The following IRAK2 variants were observed in gnomAD, a reference collection of about 807,000 sequenced individuals.
IRAK2 encodes interleukin-1 receptor-associated kinase-like 2.
Under a neutral mutation model 72.0 loss-of-function variants are expected in IRAK2, and 57 were observed. The ratio of observed to expected loss-of-function variants is 0.79; its 90% CI spans 0.64 to 0.99. The LOEUF (loss-of-function observed/expected upper bound fraction) is 0.99. Ranked by LOEUF, IRAK2 falls within the 50% of genes least tolerant of loss-of-function variation. The probability of loss-of-function intolerance (pLI) is 0.00; values close to 1 mark genes in which losing one functional copy is unlikely to be tolerated. For missense variants in IRAK2, 790 were observed against 794.4 expected (o/e 0.99, Z 0.07); for synonymous variants, 293 against 312.7 (o/e 0.94, Z 0.67).
chr3:10,165,881 C>A (rs902081843), intron 1 of IRAK2, among the ~76,000 whole-genome samples: 3 of 152,126 alleles, frequency 2.0e-5, no homozygotes, highest in Non-Finnish European at 4.4e-5. Flanking sequence ...CAGGCGCCCG[C>A]CACCACGCCC....
At chr3:10,184,953 G>GATCTCC (rs1697029723) in intron 2 of IRAK2, among the ~76,000 whole-genome samples, 1 of 149,292 alleles carries the variant, frequency 6.7e-6, no homozygotes, top group South Asian at 2.1e-4. Flanking sequence ...TAGCCAGGGT[G>GATCTCC]ATCTCCTGAC....
chr3:10,181,242 C>T (rs1696954889), intron 2 of IRAK2, among the ~76,000 whole-genome samples: 1 of 152,148 alleles, frequency 6.6e-6, no homozygotes, highest in Admixed American at 6.6e-5. Flanking sequence ...TCCTGAGCCG[C>T]TGCCGTTCCT....
intron 1 of IRAK2, among the ~76,000 whole-genome samples, chr3:10,166,587 TA>T (rs1179489177): frequency 6.6e-6 from 1 of 152,198 alleles, no homozygotes; most frequent in Non-Finnish European, 1.5e-5. Flanking sequence ...AAATACTGTA[TA>T]AAAGCACTGA....
At chr3:10,218,440 AAAAAAC>A (rs1379328236) in intron 7 of IRAK2, among the ~76,000 whole-genome samples, 4 of 135,760 alleles carry the variant, frequency 2.9e-5, no homozygotes, top group African/African-American at 1.1e-4. Flanking sequence ...AAAAAAAAAA[AAAAAAC>A]CAAAACGGTG....
chr3:10,214,548 T>G (rs1244459793), intron 6 of IRAK2, among the ~76,000 whole-genome samples: 2 of 151,586 alleles, frequency 1.3e-5, no homozygotes, highest in African/African-American at 4.8e-5. Context: ...TGCTTTTTTT[T>G]TTTTTAATTA....
At chr3:10,192,023 A>AGTGTGTGTGTGTGTGTGTGTGT (rs56802078) in intron 2 of IRAK2, among the ~76,000 whole-genome samples, 2 of 135,710 alleles carry the variant, frequency 1.5e-5, no homozygotes, top group African/African-American at 5.5e-5. Context: ...TTGAGTTGGG[A>AGTGTGTGTGTGTGTGTGTGTGT]GTGTGTGTGT....
intron 8 of IRAK2, among the ~76,000 whole-genome samples, chr3:10,221,465 T>A (rs187829610): frequency 6.6e-6 from 1 of 151,096 alleles, no homozygotes; most frequent in Non-Finnish European, 1.5e-5. Context: ...GTGTTAGCCA[T>A]GATGGTCTCG....
intron 1 of IRAK2, among the ~76,000 whole-genome samples, chr3:10,167,281 T>C (rs1454484772): frequency 6.6e-6 from 1 of 152,192 alleles, no homozygotes; most frequent in Non-Finnish European, 1.5e-5. Context: ...CCTCCTTCCA[T>C]TTTCCTGAGT....
chr3:10,165,790 G>A (rs1440032360), intron 1 of IRAK2, among the ~76,000 whole-genome samples: 1 of 148,572 alleles, frequency 6.7e-6, no homozygotes, highest in African/African-American at 2.5e-5. Flanking sequence ...GAGTGCAGTG[G>A]CGCGATCTAG....
intron 3 of IRAK2, among the ~76,000 whole-genome samples, chr3:10,205,243 C>T (rs1357210249): frequency 6.6e-6 from 1 of 152,112 alleles, no homozygotes; most frequent in Non-Finnish European, 1.5e-5. Flanking sequence ...TGAGTTTCTC[C>T]TACCACAGAT....
chr3:10,223,116 C>A (rs1021252391), intron 9 of IRAK2, among the ~76,000 whole-genome samples: 1 of 152,152 alleles, frequency 6.6e-6, no homozygotes, highest in African/African-American at 2.4e-5. Context: ...TACTGTGTGG[C>A]GTGTTACAGA....
In IRAK2 at chr3:10,216,836, G is replaced by A. The variant is rs150582483; in HGVS notation, c.789-98G>A. Reference sequence around the variant, plus strand: ...TGTGGTACCTGGGAGGTTATTGGTGGCGTTGGAGGAGGAGAGGGCAGAAGA... The same window carrying A: ...TGTGGTACCTGGGAGGTTATTGGTGACGTTGGAGGAGGAGAGGGCAGAAGA... On this transcript the variant is annotated intron_variant, in intron 6 of 12. Transcript: ENST00000256458. The A allele has an allele frequency of 7.9e-4, 673 of 854,958 alleles. 2 individuals are homozygous for A. The highest frequency in any genetic ancestry group is 6.4e-4 in the Non-Finnish European group (328 of 510,260). 53.0% of individuals were successfully genotyped at this position (854,958 alleles called of 1,614,324 possible).
chr3:10,175,260 G>A (rs1696854910), intron 1 of IRAK2, among the ~76,000 whole-genome samples: 1 of 152,100 alleles, frequency 6.6e-6, no homozygotes, highest in South Asian at 2.1e-4. Flanking sequence ...GAGTAGCTGG[G>A]AGATTACAGG....
At chr3:10,178,069 C>T (rs763063034) in intron 2 of IRAK2, 49 bp downstream of exon 2, 16 of 1,448,002 alleles carry the variant, frequency 1.1e-5, no homozygotes, top group Non-Finnish European at 1.5e-5. Context: ...CGCTCCTGAG[C>T]AGTTTCCATC....
At chr3:10,223,646 A>T (rs1197466209) in intron 9 of IRAK2, among the ~76,000 whole-genome samples, 2 of 152,206 alleles carry the variant, frequency 1.3e-5, no homozygotes, top group Non-Finnish European at 2.9e-5. Context: ...TTCACCAGAG[A>T]GGGGTATGCA....
In IRAK2 at chr3:10,219,705, C is replaced by A. The variant is rs1174908484; in HGVS notation, c.929C>A (p.Pro310His). 4.3e-6 allele frequency: 7 copies of A among 1,613,228 alleles called. No homozygotes were observed. The highest frequency in any genetic ancestry group is 5.9e-6 in the Non-Finnish European group (7 of 1,179,638). Residue 310 changes from proline (P) to histidine (H), a missense_variant, in exon 8 of 13, where the codon CCC becomes CAC. By Grantham distance (77) the Pro-to-His change is moderately conservative. Coordinates refer to ENST00000256458, the MANE Select transcript of IRAK2 (RefSeq NM_001570.4). ...GGTGGCTCGGACCCCCTCCCCTGGC[C>A]CCAGCGTGTCAGCATCTGCTCAGGG... is the stretch of plus-strand genomic sequence containing the variant. ...GQGGSDPLPW[P>H]QRVSICSGLL...
At chr3:10,175,346 C>T (rs573179314) in intron 1 of IRAK2, among the ~76,000 whole-genome samples, 8 of 152,070 alleles carry the variant, frequency 5.3e-5, no homozygotes, top group South Asian at 2.1e-4. Context: ...AGGCTAGTAT[C>T]GAACTCCTGA....
At chr3:10,181,670 A>G (rs561583825) in intron 2 of IRAK2, among the ~76,000 whole-genome samples, 2 of 152,306 alleles carry the variant, frequency 1.3e-5, no homozygotes, top group African/African-American at 4.8e-5. Context: ...TAAATGCCCA[A>G]CAACAATAAC....
chr3:10,184,545 C>T (rs971590853), intron 2 of IRAK2, among the ~76,000 whole-genome samples: 1 of 147,640 alleles, frequency 6.8e-6, no homozygotes, highest in Non-Finnish European at 1.5e-5. Flanking sequence ...AAGCTGTCTG[C>T]ATCCCCTTCC....
Sources: gnomAD v4.1 joint callset for allele counts (sites outside exome capture counted in the v4.1 genomes callset) on GRCh38, gnomAD v4.1.1 for gene constraint, MANE v1.5 for transcripts, NCBI Gene and HGNC (gene_info 2026-07-23, HGNC 2026-07-21) for gene names.